The following OR2T6 variants were observed in gnomAD, a reference collection of about 807,000 sequenced individuals.
OR2T6 encodes the protein olfactory receptor family 2 subfamily T member 6.
For synonymous variants in OR2T6, 174 were observed against 148.0 expected (o/e 1.18, Z -1.27); for missense variants, 424 against 391.6 (o/e 1.08, Z -0.70).
Position 248,380,037 on chromosome 1 carries a change from T to C in OR2T6, c.-159+3983T>C, listed in dbSNP as rs556614044. Among the ~76,000 whole-genome samples the C allele has an allele frequency of 5.9e-5, 9 of 152,082 alleles. 1 individual carries two copies. The South Asian group carries it at 1.7e-3, about 28-fold the overall frequency. On this transcript the variant is annotated intron_variant, in intron 1 of 2. Transcript: ENST00000641644. The stretch of plus-strand genomic sequence containing the variant: ...CCCACCTATATGTGTGTGTATGCAT[T>C]ATATCTACTTATAATTATATATGAA...
intron 1 of OR2T6, among the ~76,000 whole-genome samples, chr1:248,382,848 A>G (rs1403630386): frequency 6.6e-6 from 1 of 152,138 alleles, no homozygotes; most frequent in Non-Finnish European, 1.5e-5. Flanking sequence ...TTACCATTTA[A>G]TATCTGCCTT....
chr1:248,388,004 T>A lies in OR2T6; in HGVS notation c.396T>A (p.Tyr132Ter), dbSNP rs1331845950. 4.3e-6 allele frequency: 7 copies of A among 1,612,966 alleles called. No homozygotes were observed. The South Asian group carries it at 7.7e-5, about 18-fold the overall frequency. ...RYVAICNPLR[Y>*]PVLISWRVCW... Reference sequence around the variant, plus strand: ...TGGCCATCTGCAACCCACTGCGCTATCCTGTCCTCATCAGCTGGCGGGTCT... The same window carrying A: ...TGGCCATCTGCAACCCACTGCGCTAACCTGTCCTCATCAGCTGGCGGGTCT... The change falls in exon 3 of 3, where the codon TAT becomes TAA. Residue 132 changes from tyrosine (Y) to a stop codon, truncating the protein, a stop_gained. Transcript: ENST00000641644. LOFTEE classifies it low-confidence loss of function (END_TRUNC).
intron 1 of OR2T6, among the ~76,000 whole-genome samples, chr1:248,384,005 A>G (rs545933685): frequency 1.4e-3 from 70 of 49,492 alleles, no homozygotes; most frequent in African/African-American, 6.4e-3. Flanking sequence ...ATCATCATGG[A>G]GAAAGCACTG....
intron 1 of OR2T6, among the ~76,000 whole-genome samples, chr1:248,380,204 C>T (rs1325581678): frequency 6.6e-6 from 1 of 151,862 alleles, no homozygotes; most frequent in Non-Finnish European, 1.5e-5. Flanking sequence ...TGCATGCACT[C>T]ATACAAAACT....
intron 1 of OR2T6, among the ~76,000 whole-genome samples, chr1:248,384,176 A>C (rs77107721): frequency 0.014 from 418 of 29,812 alleles, 2 homozygotes; most frequent in African/African-American, 0.057. Context: ...TGCTCATCCT[A>C]TCCTGAAGTG....
chr1:248,388,503 G>A lies in OR2T6; in HGVS notation c.895G>A (p.Gly299Ser). The A allele has an allele frequency of 6.3e-7, 1 of 1,585,226 alleles. No homozygotes were observed. The change falls in exon 3 of 3, where the codon GGT (glycine) becomes AGT (serine). Residue 299 changes from glycine (G) to serine (S), a missense_variant. Gly to Ser is a moderately conservative substitution (Grantham distance 56). Coordinates refer to ENST00000641644, the MANE Select transcript of OR2T6 (RefSeq NM_001005471.2). ...CAGTCTGAGGAACAGGGATGTGATG[G>A]GTGCCTTGAAGAGAGTTGTGGCAAG... ...IYSLRNRDVM[G>S]ALKRVVARC
Position 248,388,762 on chromosome 1 carries a change from T to C in OR2T6, c.*227T>C. The C allele has an allele frequency of 2.3e-6, 1 of 443,006 alleles. No homozygotes were observed. Among genetic ancestry groups the C allele is most frequent in the Non-Finnish European group, 4.0e-6 (1 of 252,866 alleles). The allele number at this position is 443,006 out of a possible 1,614,324, so 27.4% of individuals were successfully genotyped here. On this transcript the variant is annotated 3_prime_UTR_variant, in exon 3 of 3. Coordinates refer to ENST00000641644, the MANE Select transcript of OR2T6 (RefSeq NM_001005471.2). ...GTTCTAGAAACACCACTCATGTTTA[T>C]TCTTCTTTTGTTTCTACTGATTCCA...
intron 1 of OR2T6, among the ~76,000 whole-genome samples, chr1:248,379,329 A>G (rs1572866072): frequency 6.6e-6 from 1 of 152,342 alleles, no homozygotes; most frequent in East Asian, 1.9e-4. Context: ...ACCTGGGTCT[A>G]CAGTAACCAG....
chr1:248,376,169 G>T (rs1379891215), intron 1 of OR2T6, 115 bp downstream of exon 1: 2 of 152,198 alleles, frequency 1.3e-5, no homozygotes, highest in African/African-American at 4.8e-5. Context: ...ACTCATTTAA[G>T]ATAATTCAGA....
rs1289003582 is a variant in OR2T6, at chr1:248,388,003, A to G, written c.395A>G (p.Tyr132Cys). The G allele has an allele frequency of 3.1e-6, 5 of 1,612,758 alleles. No individual in the cohort carries two copies. Among genetic ancestry groups the G allele is most frequent in the African/African-American group, 2.7e-5 (2 of 74,836 alleles). Residue 132 changes from tyrosine to cysteine, a missense_variant, in exon 3 of 3, where the codon TAT (tyrosine) becomes TGT (cysteine). Tyr to Cys is a radical substitution (Grantham distance 194, BLOSUM62 -2). Transcript: ENST00000641644. Reference protein sequence around the residue: ...RYVAICNPLRYPVLISWRVCW... With the variant: ...RYVAICNPLRCPVLISWRVCW... ...GTGGCCATCTGCAACCCACTGCGCT[A>G]TCCTGTCCTCATCAGCTGGCGGGTC...
intron 1 of OR2T6, among the ~76,000 whole-genome samples, chr1:248,383,998 A>G (rs1197157314): frequency 1.5e-4 from 8 of 51,814 alleles, no homozygotes; most frequent in East Asian, 7.9e-4. Context: ...TAGTGTTATC[A>G]TCATGGAGAA....
At chr1:248,382,315 C>T (rs1479284188) in intron 1 of OR2T6, among the ~76,000 whole-genome samples, 1 of 152,104 alleles carries the variant, frequency 6.6e-6, no homozygotes, top group Non-Finnish European at 1.5e-5. Context: ...TTAGATGCTG[C>T]CAGATGCTTT....
intron 2 of OR2T6, 25 bp downstream of exon 2, chr1:248,384,889 T>C (rs1661109926): frequency 6.6e-6 from 1 of 152,198 alleles, no homozygotes; most frequent in Non-Finnish European, 1.5e-5. Flanking sequence ...GCAGTTATGT[T>C]TGAATTTTTG....
intron 1 of OR2T6, among the ~76,000 whole-genome samples, chr1:248,382,957 A>T (rs961401648): frequency 2.0e-5 from 3 of 152,206 alleles, no homozygotes; most frequent in Non-Finnish European, 2.9e-5. Context: ...GTAACGTCTC[A>T]TCCTGGAACT....
intron 2 of OR2T6, 71 bp from the exon 3 acceptor site, chr1:248,387,534 G>A: frequency 1.0e-6 from 1 of 963,804 alleles, no homozygotes; most frequent in Non-Finnish European, 1.5e-6. Flanking sequence ...ACACAGACAT[G>A]TTTAAGTGAT....
Position 248,387,806 on chromosome 1 carries a change from C to G in OR2T6, c.198C>G (p.Leu66=), listed in dbSNP as rs752208596. The G allele has an allele frequency of 6.2e-7, 1 of 1,610,214 alleles. No homozygotes were observed. Among genetic ancestry groups the G allele is most frequent in the East Asian group, 2.2e-5 (1 of 44,712 alleles). ...HTPMYFLLSH[L]SVIDTLYIST... ...CCATGTACTTCCTCCTCAGCCACCT[C>G]TCCGTCATTGACACATTATACATCT... Residue 66 remains leucine, a synonymous_variant, in exon 3 of 3, where the codon CTC becomes CTG. Transcript: ENST00000641644.
At chr1:248,379,929 T>C (rs1014683934) in intron 1 of OR2T6, among the ~76,000 whole-genome samples, 1 of 152,142 alleles carries the variant, frequency 6.6e-6, no homozygotes. Context: ...GTTTATTACA[T>C]ATTTATACAT....
intron 1 of OR2T6, among the ~76,000 whole-genome samples, chr1:248,381,299 A>AT (rs60682979): frequency 7.5e-4 from 112 of 150,074 alleles, no homozygotes; most frequent in African/African-American, 2.5e-3. Flanking sequence ...AAAAAAATGT[A>AT]TTTTTTTTTC....
chr1:248,391,145 T>G lies in OR2T6; in HGVS notation c.*2610T>G, dbSNP rs951218595. On this transcript the variant is annotated 3_prime_UTR_variant, in exon 3 of 3. Coordinates refer to ENST00000641644, the MANE Select transcript of OR2T6 (RefSeq NM_001005471.2). Reference sequence around the variant, plus strand: ...GATCTGGCAATTGTGTTTCTTGGTGTTAACTCTGCTGATTTGGAAACTTAT... The same window carrying G: ...GATCTGGCAATTGTGTTTCTTGGTGGTAACTCTGCTGATTTGGAAACTTAT... The G allele has an allele frequency of 3.3e-5, 5 of 152,206 alleles. No individual in the cohort carries two copies. Among genetic ancestry groups the G allele is most frequent in the African/African-American group, 1.2e-4 (5 of 41,448 alleles). The allele number at this position is 152,206 out of a possible 1,614,324, so 9.4% of individuals were successfully genotyped here.
Sources: gnomAD v4.1 joint callset for allele counts (sites outside exome capture counted in the v4.1 genomes callset) on GRCh38, gnomAD v4.1.1 for gene constraint, MANE v1.5 for transcripts, NCBI Gene and HGNC (gene_info 2026-07-23, HGNC 2026-07-21) for gene names.